Variants in KCNIP1 observed in about 807,000 individuals in gnomAD.
The protein encoded by KCNIP1 is A-type potassium channel modulatory protein KCNIP1.
In KCNIP1, 18 loss-of-function variants were observed where a neutral mutation model predicts 33.0. The ratio of observed to expected loss-of-function variants is 0.55; its 90% CI spans 0.38 to 0.81. KCNIP1 has a LOEUF of 0.81. KCNIP1 is among the 30% of genes least tolerant of loss of function. The pLI is 0.00. For synonymous variants in KCNIP1, 93 were observed against 98.3 expected (o/e 0.95, Z 0.32); for missense variants, 238 against 271.6 (o/e 0.88, Z 0.87).
intron 1 of KCNIP1, among the ~76,000 whole-genome samples, chr5:170,487,696 A>G (rs1346339055): frequency 6.6e-6 from 1 of 151,688 alleles, no homozygotes; most frequent in Non-Finnish European, 1.5e-5. Flanking sequence ...TAATTTTTGT[A>G]TTTTTTGTAG....
intron 1 of KCNIP1, among the ~76,000 whole-genome samples, chr5:170,631,163 C>T (rs962588294): frequency 1.3e-5 from 2 of 152,154 alleles, no homozygotes; most frequent in African/African-American, 4.8e-5. Flanking sequence ...TTGCCTGGTA[C>T]AAGAGAGAGA....
chr5:170,677,678 T>G (rs1229397317), intron 1 of KCNIP1, among the ~76,000 whole-genome samples: 1 of 152,204 alleles, frequency 6.6e-6, no homozygotes, highest in African/African-American at 2.4e-5. Flanking sequence ...TTATGATGTC[T>G]GGATCATAAC....
At chr5:170,670,776 G>C (rs1424685460) in intron 1 of KCNIP1, among the ~76,000 whole-genome samples, 1 of 152,226 alleles carries the variant, frequency 6.6e-6, no homozygotes, top group South Asian at 2.1e-4. Context: ...CACACCTGCA[G>C]TCCCAGCTAC....
chr5:170,497,287 T>A (rs566588398), intron 1 of KCNIP1, among the ~76,000 whole-genome samples: 1 of 152,354 alleles, frequency 6.6e-6, no homozygotes, highest in South Asian at 2.1e-4. Context: ...ACTTAAATGC[T>A]TCCACTCATT....
chr5:170,452,999 G>A (rs1756291497), intron 1 of KCNIP1, among the ~76,000 whole-genome samples: 1 of 152,188 alleles, frequency 6.6e-6, no homozygotes, highest in African/African-American at 2.4e-5. Flanking sequence ...TTGAGGAACA[G>A]GATTATTACT....
At chr5:170,589,742 G>GAT (rs879927911) in intron 1 of KCNIP1, among the ~76,000 whole-genome samples, 11,406 of 130,844 alleles carry the variant, frequency 0.087, 561 homozygotes, top group South Asian at 0.12. Flanking sequence ...GGTGTGGTGT[G>GAT]GTGTGGTGTG....
At chr5:170,547,339 ATATC>A (rs1352054294) in intron 1 of KCNIP1, among the ~76,000 whole-genome samples, 1 of 152,084 alleles carries the variant, frequency 6.6e-6, no homozygotes, top group Non-Finnish European at 1.5e-5. Flanking sequence ...TGCTCCATCT[ATATC>A]TGTCCATTGT....
At chr5:170,382,376 T>A (rs931708850) in intron 1 of KCNIP1, among the ~76,000 whole-genome samples, 2 of 152,202 alleles carry the variant, frequency 1.3e-5, no homozygotes, top group Non-Finnish European at 1.5e-5. Flanking sequence ...TAGCCAAAGT[T>A]GACATATCTT....
At chr5:170,548,218 T>C (rs1259058191) in intron 1 of KCNIP1, among the ~76,000 whole-genome samples, 1 of 152,226 alleles carries the variant, frequency 6.6e-6, no homozygotes, top group Non-Finnish European at 1.5e-5. Context: ...TGCTGAAATG[T>C]TCAAACCTCT....
In KCNIP1 at chr5:170,635,426, C is replaced by T. The variant is rs559001511; in HGVS notation, c.62-83332C>T. Among the ~76,000 whole-genome samples the T allele has an allele frequency of 1.3e-4, 20 of 152,334 alleles. No individual in the cohort carries two copies. The East Asian group carries it at 3.7e-3, about 28-fold the overall frequency. On this transcript the variant is annotated intron_variant, in intron 1 of 7. Transcript: ENST00000328939. ...ACCCCCTCAGAGATGCCTTCCCTCA[C>T]TCCCCTGTCCAAGGTAGCTCTCCAC... is the stretch of plus-strand genomic sequence containing the variant.
At chr5:170,383,308 C>G in intron 1 of KCNIP1, 1 of 532,752 alleles carries the variant, frequency 1.9e-6, no homozygotes, top group South Asian at 2.4e-5. Context: ...AGTACTAACA[C>G]TAATCACTGC....
intron 1 of KCNIP1, among the ~76,000 whole-genome samples, chr5:170,596,287 G>A (rs1341653885): frequency 6.6e-6 from 1 of 152,198 alleles, no homozygotes; most frequent in Non-Finnish European, 1.5e-5. Context: ...GATGCCCTGT[G>A]CCCATCACAC....
chr5:170,547,687 C>T lies in KCNIP1; in HGVS notation c.61+43054C>T, dbSNP rs538051995. 3.9e-5 allele frequency among the ~76,000 whole-genome samples: 6 copies of T among 152,296 alleles called. No individual in the cohort carries two copies. In the East Asian group the frequency reaches 9.7e-4, roughly 25 times the overall value. The stretch of plus-strand genomic sequence containing the variant: ...ATGGCCTCCAGCTCCATCCATGTTC[C>T]TGCAAAGGACATAATCCCCTTTTTA... On this transcript the variant is annotated intron_variant, in intron 1 of 7. Transcript: ENST00000328939.
chr5:170,684,378 G>A (rs2113801876), intron 1 of KCNIP1, among the ~76,000 whole-genome samples: 1 of 152,272 alleles, frequency 6.6e-6, no homozygotes, highest in African/African-American at 2.4e-5. Flanking sequence ...TCTAGAGAAG[G>A]ATTCCTCCTT....
intron 1 of KCNIP1, among the ~76,000 whole-genome samples, chr5:170,611,554 G>A (rs1686984639): frequency 1.3e-5 from 2 of 152,198 alleles, no homozygotes; most frequent in Non-Finnish European, 2.9e-5. Context: ...ATCCACTCAG[G>A]GTCGAAGACA....
At chr5:170,557,312 T>C (rs1185591486) in intron 1 of KCNIP1, among the ~76,000 whole-genome samples, 1 of 152,164 alleles carries the variant, frequency 6.6e-6, no homozygotes, top group Non-Finnish European at 1.5e-5. Context: ...TTTTCTGGAA[T>C]AAATATGGAT....
chr5:170,669,585 G>T, intron 1 of KCNIP1: 1 of 985,426 alleles, frequency 1.0e-6, no homozygotes, highest in Non-Finnish European at 1.2e-6. Context: ...GATGGAGTGA[G>T]TGTGTGGATA....
chr5:170,551,656 G>A (rs534691947), intron 1 of KCNIP1, among the ~76,000 whole-genome samples: 3 of 150,100 alleles, frequency 2.0e-5, no homozygotes, highest in Non-Finnish European at 3.0e-5. Flanking sequence ...GTGTGCTTGA[G>A]TGACTGTGAG....
chr5:170,498,806 A>G (rs1757357737), intron 1 of KCNIP1, among the ~76,000 whole-genome samples: 2 of 152,142 alleles, frequency 1.3e-5, no homozygotes, highest in Admixed American at 1.3e-4. Flanking sequence ...ATCTTACCCC[A>G]TTCTCACAAC....
Sources: allele counts gnomAD v4.1 joint callset (sites outside exome capture counted in the v4.1 genomes callset), GRCh38; gene constraint gnomAD v4.1.1; transcripts MANE v1.5; gene names NCBI Gene and HGNC (gene_info 2026-07-23, HGNC 2026-07-21).